Variants in ZDHHC23 observed in about 807,000 individuals in gnomAD.
ZDHHC23 encodes zDHHC palmitoyltransferase 23.
In ZDHHC23, 41 loss-of-function variants were observed where a neutral mutation model predicts 40.2. The ratio of observed to expected loss-of-function variants is 1.02; its 90% confidence interval spans 0.79 to 1.32. The LOEUF (loss-of-function observed/expected upper bound fraction) is 1.32. Among genes scored for constraint, ZDHHC23 ranks in the 40% most tolerant of loss-of-function variants. The pLI, the probability that ZDHHC23 is intolerant of heterozygous loss-of-function variation, is 0.00. For synonymous variants in ZDHHC23, 204 were observed against 210.2 expected, an observed-to-expected ratio of 0.97 and a Z score of 0.26; for missense variants, 471 against 541.5, an observed-to-expected ratio of 0.87 and a Z score of 1.29.
intron 2 of ZDHHC23, among the ~76,000 whole-genome samples, chr3:113,950,761 T>C (rs1296272107): frequency 6.6e-6 from 1 of 152,180 alleles, no homozygotes; most frequent in East Asian, 1.9e-4. Context: ...CAGATATGGA[T>C]GAGTTTCAAG....
At chr3:113,970,060 T>TC (rs1442176563), downstream of ZDHHC23, among the ~76,000 whole-genome samples, 1 of 152,194 alleles carries the variant, frequency 6.6e-6, no homozygotes, top group African/African-American at 2.4e-5. Flanking sequence ...TATAGATCTT[T>TC]CACTTCCTTG....
In ZDHHC23 at chr3:113,958,904, C is replaced by A; in HGVS notation, c.*274C>A. ...TTGAGAAGGATGTGGATTGCTAATG[C>A]ACAAATTGATAGAAGCAATTCCCAT... On this transcript the variant is annotated 3_prime_UTR_variant, in exon 5 of 5. Transcript: ENST00000638807. 7.9e-7 allele frequency: 1 copy of A among 1,263,898 alleles called. No homozygotes were observed. 78.3% of individuals were successfully genotyped at this position (1,263,898 alleles called of 1,614,324 possible). A position where few individuals can be genotyped will look rare whatever the true frequency, so the allele number is the denominator to read the frequency against.
downstream of ZDHHC23, chr3:113,965,341 G>C (rs112136393): frequency 3.1e-6 from 5 of 1,589,044 alleles, no homozygotes; most frequent in African/African-American, 1.4e-5. Flanking sequence ...ATGTCCGAAG[G>C]GTGATCCAGA....
rs754979425 is a variant in ZDHHC23 at position 113,956,503 on chromosome 3, A to T, written c.1037A>T (p.Tyr346Phe). Residue 346 changes from tyrosine (Y) to phenylalanine (F), a missense_variant, in exon 4 of 5, where the codon TAC becomes TTC. Transcript: ENST00000638807. ...LFYCPGVYANYSSALSFTCVW... is the reference protein window; with the variant it reads ...LFYCPGVYANFSSALSFTCVW... ...TATTGTCCTGGAGTTTATGCAAATT[A>T]CAGGTGAGCAGTGGGTACCACAGTA... The T allele has an allele frequency of 6.2e-7, 1 of 1,612,792 alleles. No individual in the cohort carries two copies.
chr3:113,970,689 G>C, the ZDHHC23 span, among the ~76,000 whole-genome samples: 1 of 151,966 alleles, frequency 6.6e-6, no homozygotes, highest in Non-Finnish European at 1.5e-5. Flanking sequence ...TTTAACATTA[G>C]GTATATCTCC....
At position 113,953,999 on chromosome 3, in the gene ZDHHC23, A is replaced by G. The variant is rs980354889; in HGVS notation, c.461A>G (p.Tyr154Cys). Residue 154 changes from tyrosine (Y) to cysteine (C), a missense_variant, in exon 3 of 5, where the codon TAT becomes TGT. Tyr to Cys is a radical substitution (Grantham distance 194, BLOSUM62 -2). This residue lies in a region of ZDHHC23 where 346 missense variants were observed against 399.8 expected (regional missense o/e 0.87). Coordinates refer to ENST00000638807, the MANE Select transcript of ZDHHC23 (RefSeq NM_001320466.2). ...LGLFSLGYMY[Y>C]VFLQEVVPKG... ...CTGTTCTCTCTGGGCTACATGTACT[A>G]TGTGTTCCTGCAGGAAGTGGTCCCC... 4 of 1,613,970 alleles carry G rather than the reference A, an allele frequency of 2.5e-6. No homozygotes were observed. Among genetic ancestry groups the G allele is most frequent in the South Asian group, 1.1e-5 (1 of 91,070 alleles).
chr3:113,978,318 A>G, the ZDHHC23 span: 3 of 1,613,968 alleles, frequency 1.9e-6, no homozygotes, highest in East Asian at 2.2e-5. Flanking sequence ...TTCTTCCTGC[A>G]GATCAATCAC....
chr3:113,973,825 G>T, the ZDHHC23 span, among the ~76,000 whole-genome samples: 2 of 151,802 alleles, frequency 1.3e-5, no homozygotes, highest in African/African-American at 4.8e-5. Flanking sequence ...ATATGTCTTT[G>T]TCAAGTTTTG....
rs964050327 is a variant in ZDHHC23, at chr3:113,961,125, T to G, written c.*2495T>G. On this transcript the variant is annotated 3_prime_UTR_variant, in exon 5 of 5. Coordinates refer to ENST00000638807, the MANE Select transcript of ZDHHC23 (RefSeq NM_001320466.2). ...GAATGAATCAGTCCCAGGGAAGCAT[T>G]TGGTGGTGGCGGCAGTGGAGGATTG... 5.5e-6 allele frequency: 1 copy of G among 183,144 alleles called. No homozygotes were observed. The highest frequency in any genetic ancestry group is 2.3e-5 in the African/African-American group (1 of 42,682). The allele number at this position is 183,144 out of a possible 1,614,324, so 11.3% of individuals were successfully genotyped here. A position where few individuals can be genotyped will look rare whatever the true frequency, so the allele number is the denominator to read the frequency against.
In ZDHHC23 at chr3:113,950,987, G is replaced by C. The variant is rs556060833; in HGVS notation, c.161+2024G>C. ...AAGGCTTGAGAATAATCTTGGACTT[G>C]ATGTCCTGCCTTCTGGACACACTGG... On this transcript the variant is annotated intron_variant, in intron 2 of 4. Coordinates refer to ENST00000638807, the MANE Select transcript of ZDHHC23 (RefSeq NM_001320466.2). 1.1e-4 allele frequency among the ~76,000 whole-genome samples: 16 copies of C among 152,354 alleles called. No homozygotes were observed. The South Asian group carries it at 3.3e-3, about 32-fold the overall frequency.
Position 113,954,262 on chromosome 3 carries a change from C to T in ZDHHC23, c.724C>T (p.Pro242Ser), listed in dbSNP as rs1490881268. ...SLNNRTTKDD[P>S]KGSSKMPAGS... ...CAACAATCGCACAACAAAGGATGAC[C>T]CCAAGGGCTCTTCCAAGATGCCAGC... is the stretch of plus-strand genomic sequence containing the variant. The change falls in exon 3 of 5, where the codon CCC (proline) becomes TCC (serine). Residue 242 changes from proline to serine, a missense_variant. Physicochemically the swap from Pro to Ser is moderately conservative, Grantham distance 74 (BLOSUM62 -1). Around this residue, in one of 3 missense-constraint regions of ZDHHC23, gnomAD observed 346 missense variants for 399.8 expected, o/e 0.87. Transcript: ENST00000638807. The T allele has an allele frequency of 6.2e-7, 1 of 1,614,098 alleles. No homozygotes were observed. The highest frequency in any genetic ancestry group is 1.7e-5 in the Admixed American group (1 of 60,016).
rs769262552 is a variant in ZDHHC23, at chr3:113,958,653, G to A, written c.*23G>A. The A allele has an allele frequency of 6.3e-7, 1 of 1,593,748 alleles. No individual in the cohort carries two copies. The highest frequency in any genetic ancestry group is 8.5e-7 in the Non-Finnish European group (1 of 1,177,454). ...TGAAGTGCCTTCTATGTGGCTCTCT[G>A]AGGGATGATGGCTCCTCCTTCCGTC... On this transcript the variant is annotated 3_prime_UTR_variant, in exon 5 of 5. Transcript: ENST00000638807.
At chr3:113,963,574 C>CAAA (rs10526433), downstream of ZDHHC23, among the ~76,000 whole-genome samples, 38 of 50,736 alleles carry the variant, frequency 7.5e-4, 2 homozygotes, top group South Asian at 2.3e-3. Context: ...CCATCTCTAC[C>CAAA]AAAAAAAAAA....
At position 113,954,416 on chromosome 3, in the gene ZDHHC23, T is replaced by C. The variant is rs1938978959; in HGVS notation, c.872+6T>C. 6.4e-7 allele frequency: 1 copy of C among 1,556,678 alleles called. No individual in the cohort carries two copies. Among genetic ancestry groups the C allele is most frequent in the African/African-American group, 1.4e-5 (1 of 73,182 alleles). On this transcript the variant is annotated splice_donor_region_variant and intron_variant, in intron 3 of 4. Transcript: ENST00000638807. ...ATGGATCATCATTGTGTCTGGTATGTTGGAAACATTTGGAGACTTGGAAAG... is the reference window on the plus strand; with the variant it reads ...ATGGATCATCATTGTGTCTGGTATGCTGGAAACATTTGGAGACTTGGAAAG...
intron 2 of ZDHHC23, 69 bp downstream of exon 2, chr3:113,949,032 C>T (rs1938411003): frequency 2.5e-6 from 4 of 1,577,826 alleles, no homozygotes; most frequent in Non-Finnish European, 3.5e-6. Context: ...TACTTTCAAC[C>T]TAGCCACCCA....
intron 2 of ZDHHC23, among the ~76,000 whole-genome samples, chr3:113,951,704 G>T (rs775192124): frequency 1.3e-5 from 2 of 152,102 alleles, no homozygotes; most frequent in African/African-American, 2.4e-5. Context: ...GACTGGCACG[G>T]GGCTAATCCA....
At chr3:113,950,780 C>A (rs1938583171) in intron 2 of ZDHHC23, among the ~76,000 whole-genome samples, 1 of 152,202 alleles carries the variant, frequency 6.6e-6, no homozygotes. Flanking sequence ...AGATACGATT[C>A]ATCCTGAGAC....
At chr3:113,950,614 T>A (rs1409500981) in intron 2 of ZDHHC23, among the ~76,000 whole-genome samples, 1 of 152,242 alleles carries the variant, frequency 6.6e-6, no homozygotes, top group African/African-American at 2.4e-5. Flanking sequence ...AGATACTTCC[T>A]GGCTCCCTAA....
downstream of ZDHHC23, chr3:113,964,900 T>A (rs1939955676): frequency 3.5e-6 from 1 of 284,784 alleles, no homozygotes; most frequent in African/African-American, 2.2e-5. Flanking sequence ...GCTAAAAATA[T>A]ATAGGATATA....
Sources: allele counts gnomAD v4.1 joint callset (sites outside exome capture counted in the v4.1 genomes callset), GRCh38; gene constraint gnomAD v4.1.1; regional missense constraint gnomAD v4.1.1; transcripts MANE v1.5; gene names NCBI Gene and HGNC (gene_info 2026-07-23, HGNC 2026-07-21).